CSMD1: variants seen among roughly 807,000 people sequenced by gnomAD.
The protein encoded by CSMD1 is CUB and sushi domain-containing protein 1.
Under a neutral mutation model 417.5 loss-of-function variants are expected in CSMD1, and 213 were observed. That is an observed-to-expected ratio of 0.51 (90% CI 0.46 to 0.57). CSMD1 has a LOEUF of 0.57. Ranked by LOEUF, CSMD1 falls within the 20% of genes least tolerant of loss-of-function variation. CSMD1 has a pLI of 0.00. For missense variants in CSMD1, 6,923 were observed against 4,529.7 expected, an observed-to-expected ratio of 1.53 and a Z score of -15.17; for synonymous variants, 2,862 against 1,736.8, an observed-to-expected ratio of 1.65 and a Z score of -16.11.
intron 1 of CSMD1, among the ~76,000 whole-genome samples, chr8:4,941,347 T>G (rs1807986134): frequency 6.6e-6 from 1 of 152,210 alleles, no homozygotes; most frequent in South Asian, 2.1e-4. Flanking sequence ...ATGTTTTGAG[T>G]ACTAAAATAT....
chr8:4,070,881 G>A (rs1273970247), intron 3 of CSMD1, among the ~76,000 whole-genome samples: 1 of 152,026 alleles, frequency 6.6e-6, no homozygotes, highest in Non-Finnish European at 1.5e-5. Context: ...TTTTTGCTTT[G>A]TTTACTTTCT....
At chr8:4,669,928 T>A (rs1158663915) in intron 1 of CSMD1, among the ~76,000 whole-genome samples, 1 of 152,124 alleles carries the variant, frequency 6.6e-6, no homozygotes, top group Non-Finnish European at 1.5e-5. Flanking sequence ...ACTCCTTTAT[T>A]TTTGAAAGTC....
chr8:3,674,889 C>A (rs1283362003), intron 7 of CSMD1, among the ~76,000 whole-genome samples: 1 of 152,188 alleles, frequency 6.6e-6, no homozygotes, highest in Non-Finnish European at 1.5e-5. Context: ...CAACGTAAGA[C>A]TTGTTTATAT....
intron 3 of CSMD1, among the ~76,000 whole-genome samples, chr8:4,047,012 C>T (rs1798182660): frequency 6.6e-6 from 1 of 152,126 alleles, no homozygotes; most frequent in Non-Finnish European, 1.5e-5. Context: ...TGACTTAGCC[C>T]TATAGGGTTG....
At chr8:4,163,499 C>T (rs552816306) in intron 3 of CSMD1, among the ~76,000 whole-genome samples, 14 of 152,242 alleles carry the variant, frequency 9.2e-5, no homozygotes, top group Non-Finnish European at 1.9e-4. Context: ...CTTCAACTCA[C>T]AGTACAGACA....
intron 2 of CSMD1, among the ~76,000 whole-genome samples, chr8:4,434,589 G>A (rs138398909): frequency 1.8e-4 from 27 of 152,172 alleles, no homozygotes; most frequent in African/African-American, 6.0e-4. Flanking sequence ...TCATGTTACA[G>A]TCAATGAAGC....
intron 5 of CSMD1, among the ~76,000 whole-genome samples, chr8:3,944,816 G>A (rs188177077): frequency 5.9e-5 from 9 of 152,062 alleles, no homozygotes; most frequent in African/African-American, 1.9e-4. Flanking sequence ...TTCTTCCCCC[G>A]CCAATCCAAT....
intron 3 of CSMD1, among the ~76,000 whole-genome samples, chr8:4,330,239 C>G (rs1195210387): frequency 1.3e-5 from 2 of 151,986 alleles, no homozygotes; most frequent in Non-Finnish European, 2.9e-5. Flanking sequence ...CAGATCCACC[C>G]GTCAGATCCA....
chr8:3,453,061 G>C (rs539351213), intron 12 of CSMD1, among the ~76,000 whole-genome samples: 7 of 152,156 alleles, frequency 4.6e-5, no homozygotes, highest in East Asian at 1.9e-4. Flanking sequence ...TGTATGTGTC[G>C]AGGAATTTAT....
chr8:3,468,741 C>T lies in CSMD1; in HGVS notation c.1532G>A (p.Gly511Asp). 1 of 1,605,630 alleles carries T rather than the reference C, an allele frequency of 6.2e-7. No individual in the cohort carries two copies. The highest frequency in any genetic ancestry group is 1.7e-4 in the Middle Eastern group (1 of 6,044). Residue 511 changes from glycine (G) to aspartate (D), a missense_variant, in exon 12 of 70, where the codon GGC becomes GAC. Transcript: ENST00000635120. Reference sequence around the variant, plus strand: ...GTAAACAGCTTTAAACCCAGGTGAGCCAATGCTATCATCCGACTGCAGATG... The same window carrying T: ...GTAAACAGCTTTAAACCCAGGTGAGTCAATGCTATCATCCGACTGCAGATG... ...WLHLQSDDSI[G>D]SPGFKAVYQE...
At chr8:4,408,917 G>A (rs17070162) in intron 3 of CSMD1, among the ~76,000 whole-genome samples, 2,427 of 152,268 alleles carry the variant, frequency 0.016, 21 homozygotes, top group Middle Eastern at 0.054. Flanking sequence ...TAGGTAGCAA[G>A]AACATCAGAA....
intron 12 of CSMD1, among the ~76,000 whole-genome samples, chr8:3,416,158 G>A (rs546808503): frequency 1.4e-4 from 12 of 84,208 alleles, no homozygotes; most frequent in East Asian, 1.4e-3. Flanking sequence ...AAAATTAGCC[G>A]GGCGTGTTGG....
At chr8:4,751,127 G>C (rs540777227) in intron 1 of CSMD1, among the ~76,000 whole-genome samples, 9 of 152,340 alleles carry the variant, frequency 5.9e-5, no homozygotes, top group South Asian at 2.1e-4. Flanking sequence ...GCTCAGGCCT[G>C]TAATCCCAGC....
chr8:4,285,309 C>T (rs1797002243), intron 3 of CSMD1, among the ~76,000 whole-genome samples: 1 of 152,156 alleles, frequency 6.6e-6, no homozygotes, highest in Non-Finnish European at 1.5e-5. Flanking sequence ...CTCTCTGAAG[C>T]CATGTGCAGT....
At chr8:4,482,394 C>T (rs916409791) in intron 2 of CSMD1, among the ~76,000 whole-genome samples, 3 of 152,184 alleles carry the variant, frequency 2.0e-5, no homozygotes, top group African/African-American at 7.2e-5. Flanking sequence ...TGGCCTCCAG[C>T]TCCATCCATG....
chr8:4,696,903 G>T (rs562967599), intron 1 of CSMD1, among the ~76,000 whole-genome samples: 1 of 152,374 alleles, frequency 6.6e-6, no homozygotes, highest in South Asian at 2.1e-4. Context: ...GCCAGGTTCA[G>T]TGGCTCATTC....
At chr8:4,778,654 T>C (rs1288997661) in intron 1 of CSMD1, among the ~76,000 whole-genome samples, 1 of 152,196 alleles carries the variant, frequency 6.6e-6, no homozygotes, top group Non-Finnish European at 1.5e-5. Flanking sequence ...GGGAGTGGTC[T>C]AGATCTGAGT....
chr8:4,271,955 T>G (rs2128852237), intron 3 of CSMD1, among the ~76,000 whole-genome samples: 1 of 152,286 alleles, frequency 6.6e-6, no homozygotes, highest in Non-Finnish European at 1.5e-5. Context: ...ATCTCATGTA[T>G]GGGCAAAGTC....
In CSMD1 at chr8:4,112,976, C is replaced by G. The variant is rs114906864; in HGVS notation, c.416-80877G>C. Among the ~76,000 whole-genome samples the G allele has an allele frequency of 5.8e-3, 876 of 152,230 alleles. 14 individuals carry two copies. Among genetic ancestry groups the G allele is most frequent in the African/African-American group, 0.02 (843 of 41,530 alleles). On this transcript the variant is annotated intron_variant, in intron 3 of 69. Coordinates refer to ENST00000635120, the MANE Select transcript of CSMD1 (RefSeq NM_033225.6). Reference sequence around the variant, plus strand: ...CATTTTGGTAATTCTTTCAATATTTCAAAAGTTGTTGTTATTATATCTGTT... The same window carrying G: ...CATTTTGGTAATTCTTTCAATATTTGAAAAGTTGTTGTTATTATATCTGTT...
Sources: gnomAD v4.1 joint callset for allele counts (sites outside exome capture counted in the v4.1 genomes callset) on GRCh38, gnomAD v4.1.1 for gene constraint, MANE v1.5 for transcripts, NCBI Gene and HGNC (gene_info 2026-07-23, HGNC 2026-07-21) for gene names.